MYOF: variants seen among roughly 807,000 people sequenced by gnomAD.
The protein encoded by MYOF is myoferlin.
MYOF carries 244 observed loss-of-function variants against 284.2 expected under a neutral mutation model. That is an observed-to-expected ratio of 0.86 (90% CI 0.77 to 0.95). The LOEUF is 0.95. Ranked by LOEUF, MYOF falls within the 40% of genes least tolerant of loss-of-function variation. The pLI, the probability that MYOF is intolerant of heterozygous loss-of-function variation, is 0.00. For synonymous variants in MYOF, 904 were observed against 919.7 expected (o/e 0.98, Z 0.31); for missense variants, 2,496 against 2,560.6 (o/e 0.97, Z 0.54).
At chr10:93,388,219 AGGTGGGG>A (rs1846490641) in intron 18 of MYOF, among the ~76,000 whole-genome samples, 1 of 9,624 alleles carries the variant, frequency 1.0e-4, no homozygotes, top group Non-Finnish European at 1.9e-4. Context: ...GGAGGCTGGG[AGGTGGGG>A]GGTGGGGGGT....
chr10:93,379,216 T>G (rs1845999743), intron 21 of MYOF, among the ~76,000 whole-genome samples: 1 of 152,116 alleles, frequency 6.6e-6, no homozygotes, highest in African/African-American at 2.4e-5. Flanking sequence ...CAGACACTGG[T>G]TCCTCAAAGC....
At chr10:93,333,166 A>T in intron 43 of MYOF, 55 bp downstream of exon 43, 2 of 1,426,544 alleles carry the variant, frequency 1.4e-6, no homozygotes, top group Non-Finnish European at 2.0e-6. Context: ...TAGAGTCTTC[A>T]TGCATGTTCC....
At chr10:93,387,768 C>T (rs1254731158) in intron 19 of MYOF, 29 bp downstream of exon 19, 7 of 1,584,674 alleles carry the variant, frequency 4.4e-6, no homozygotes, top group Middle Eastern at 1.7e-4. Context: ...CTTTTCTATA[C>T]CATGCATTAC....
intron 16 of MYOF, among the ~76,000 whole-genome samples, chr10:93,395,810 G>T (rs1203089910): frequency 2.0e-5 from 3 of 151,560 alleles, no homozygotes; most frequent in African/African-American, 7.3e-5. Context: ...TCTCTGTATT[G>T]ACACAAAAAT....
chr10:93,429,683 G>A (rs991073643), intron 4 of MYOF, among the ~76,000 whole-genome samples: 1 of 152,156 alleles, frequency 6.6e-6, no homozygotes, highest in African/African-American at 2.4e-5. Context: ...TGAGAGCCTA[G>A]CTTTGCTTAC....
At chr10:93,418,090 C>T (rs371328941) in intron 5 of MYOF, among the ~76,000 whole-genome samples, 7 of 152,324 alleles carry the variant, frequency 4.6e-5, no homozygotes, top group African/African-American at 1.7e-4. Flanking sequence ...GCATGAGCCA[C>T]GGTGCCTGGC....
intron 39 of MYOF, chr10:93,338,554 T>C: frequency 2.2e-6 from 1 of 454,958 alleles, no homozygotes; most frequent in Non-Finnish European, 4.4e-6. Flanking sequence ...AAAGTTGTTC[T>C]GGAAATCATA....
At chr10:93,408,359 A>T (rs868632338) in intron 7 of MYOF, among the ~76,000 whole-genome samples, 2 of 152,150 alleles carry the variant, frequency 1.3e-5, no homozygotes, top group Admixed American at 6.5e-5. Flanking sequence ...ACTGACCAAC[A>T]TAGTGAAACC....
At chr10:93,325,601 G>A (rs971192018) in intron 46 of MYOF, among the ~76,000 whole-genome samples, 1 of 152,128 alleles carries the variant, frequency 6.6e-6, no homozygotes, top group Non-Finnish European at 1.5e-5. Flanking sequence ...AGAGACCCTG[G>A]TTCTGGTTTG....
At chr10:93,395,321 T>C (rs1269542691) in intron 16 of MYOF, among the ~76,000 whole-genome samples, 1 of 152,170 alleles carries the variant, frequency 6.6e-6, no homozygotes, top group South Asian at 2.1e-4. Context: ...CATGCGCCTG[T>C]AGTCCCAGCT....
intron 5 of MYOF, among the ~76,000 whole-genome samples, chr10:93,413,138 A>G (rs1847976454): frequency 6.6e-6 from 1 of 152,192 alleles, no homozygotes; most frequent in Non-Finnish European, 1.5e-5. Context: ...GTCGGGGTCA[A>G]TCATACCCCT....
chr10:93,323,336 T>A lies in MYOF; in HGVS notation c.5294A>T (p.Asp1765Val), dbSNP rs761389971. ...TGGCCCCAAACTCTTGGGGAAAACA[T>A]CCACCCACATCTGAAGTTTTCCCTA... ...ISQGKLQMWV[D>V]VFPKSLGPPG... Residue 1765 changes from aspartate (D) to valine (V), a missense_variant, in exon 47 of 54, where the codon GAT becomes GTT. This residue lies in a region of MYOF where 2,436 missense variants were observed against 2,480.7 expected (regional missense o/e 0.98). Transcript: ENST00000359263. 6.2e-7 allele frequency: 1 copy of A among 1,613,228 alleles called. No individual in the cohort carries two copies. Among genetic ancestry groups the A allele is most frequent in the African/African-American group, 1.3e-5 (1 of 75,040 alleles).
intron 49 of MYOF, among the ~76,000 whole-genome samples, chr10:93,319,329 G>A (rs774103234): frequency 2.2e-4 from 33 of 152,170 alleles, no homozygotes; most frequent in Admixed American, 7.2e-4. Context: ...CAGAAGCCTG[G>A]ACTTTTTGGT....
intron 21 of MYOF, 46 bp from the exon 22 acceptor site, chr10:93,377,475 T>C (rs1396772305): frequency 7.5e-7 from 1 of 1,328,788 alleles, no homozygotes; most frequent in African/African-American, 1.4e-5. Context: ...TTGTTCATTA[T>C]GCCATTATAC....
At chr10:93,368,593 T>C (rs1845431472) in intron 25 of MYOF, among the ~76,000 whole-genome samples, 1 of 152,186 alleles carries the variant, frequency 6.6e-6, no homozygotes, top group Admixed American at 6.5e-5. Flanking sequence ...GAGGAATGAA[T>C]GGTTGGGTGG....
At chr10:93,370,415 G>A (rs182145193) in intron 24 of MYOF, among the ~76,000 whole-genome samples, 55 of 148,820 alleles carry the variant, frequency 3.7e-4, no homozygotes, top group East Asian at 4.0e-4. Context: ...GGGCTCAAGC[G>A]ATCCTCCCTC....
chr10:93,355,477 T>G, intron 31 of MYOF, 151 bp downstream of exon 31: 1 of 530,238 alleles, frequency 1.9e-6, no homozygotes, highest in Non-Finnish European at 3.3e-6. Flanking sequence ...TCCCAGCTAC[T>G]CAGGAGGCTG....
At chr10:93,399,780 G>T (rs778755058) in intron 12 of MYOF, among the ~76,000 whole-genome samples, 1 of 152,198 alleles carries the variant, frequency 6.6e-6, no homozygotes, top group African/African-American at 2.4e-5. Context: ...GCTGAGGCAG[G>T]AGAACTGCTT....
intron 17 of MYOF, among the ~76,000 whole-genome samples, chr10:93,391,736 T>C (rs3886543): frequency 0.21 from 32,460 of 152,156 alleles, 4,507 homozygotes; most frequent in African/African-American, 0.4. Context: ...AAAGCCTATA[T>C]AAAATAAAAT....
Sources: allele counts gnomAD v4.1 joint callset (sites outside exome capture counted in the v4.1 genomes callset), GRCh38; gene constraint gnomAD v4.1.1; regional missense constraint gnomAD v4.1.1; transcripts MANE v1.5; gene names NCBI Gene and HGNC (gene_info 2026-07-23, HGNC 2026-07-21).